ZNF503: variants seen among roughly 807,000 people sequenced by gnomAD.
The protein encoded by ZNF503 is NocA-like zinc finger 2.
A neutral mutation model predicts 34.4 loss-of-function variants in ZNF503; 15 were observed. The ratio of observed to expected loss-of-function variants is 0.44; its 90% CI spans 0.29 to 0.67. ZNF503 has a LOEUF of 0.67. Among genes scored for constraint, ZNF503 ranks in the 30% least tolerant of loss-of-function variants. The pLI is 0.13. For synonymous variants in ZNF503, 580 were observed against 456.8 expected, an observed-to-expected ratio of 1.27 and a Z score of -3.44; for missense variants, 1,007 against 926.8, an observed-to-expected ratio of 1.09 and a Z score of -1.12.
intron 1 of ZNF503, among the ~76,000 whole-genome samples, chr10:75,400,723 G>A (rs1237480703): frequency 2.6e-5 from 4 of 152,228 alleles, no homozygotes; most frequent in African/African-American, 7.2e-5. Flanking sequence ...ATTCTTCAGA[G>A]TAAGGGCTCG....
rs755096965 is a variant in ZNF503, at chr10:75,399,346, G to C, written c.1344C>G (p.Ser448Arg). 6.2e-7 allele frequency: 1 copy of C among 1,604,104 alleles called. No homozygotes were observed. The highest frequency in any genetic ancestry group is 8.5e-7 in the Non-Finnish European group (1 of 1,177,578). The change falls in exon 2 of 2, where the codon AGC becomes AGG. Residue 448 changes from serine to arginine, a missense_variant. Ser to Arg is a moderately radical substitution (Grantham distance 110). Transcript: ENST00000372524. The stretch of plus-strand genomic sequence containing the variant: ...CAGCCGGATCATGTGCGCAAGAAGC[G>C]CTGGCGGCCGCCGCCCCTGCCAGGT... Reference protein sequence around the residue: ...ASHLAGAAAASASCAHDPAAA... With the variant: ...ASHLAGAAAARASCAHDPAAA...
the ZNF503 span, among the ~76,000 whole-genome samples, chr10:75,282,262 G>A: frequency 1.5e-3 from 218 of 147,790 alleles, no homozygotes; most frequent in African/African-American, 4.7e-3. Flanking sequence ...CACAGGCAAG[G>A]GGAAGTCTGC....
the ZNF503 span, among the ~76,000 whole-genome samples, chr10:75,312,938 G>A: frequency 1.3e-5 from 2 of 152,104 alleles, no homozygotes; most frequent in Non-Finnish European, 2.9e-5. Context: ...TAAGTCTCGC[G>A]AAATCTGATG....
At chr10:75,295,810 A>C in the ZNF503 span, 1 of 152,212 alleles carries the variant, frequency 6.6e-6, no homozygotes. This position sits in a 1 kb window ranked among gnomAD's most constrained non-coding sequence, Gnocchi z 4.0. Context: ...TTTTATACTA[A>C]TGTAGAACAT....
the ZNF503 span, among the ~76,000 whole-genome samples, chr10:75,286,472 G>A: frequency 6.6e-6 from 1 of 152,166 alleles, no homozygotes; most frequent in Non-Finnish European, 1.5e-5. Flanking sequence ...GCTTCCTCCT[G>A]CTTTCTTCTC....
chr10:75,398,742 G>A lies in ZNF503; in HGVS notation c.*7C>T, dbSNP rs777654355. 2 of 1,373,308 alleles carry A rather than the reference G, an allele frequency of 1.5e-6. No homozygotes were observed. Among genetic ancestry groups the A allele is most frequent in the Admixed American group, 3.4e-5 (1 of 29,224 alleles). 85.1% of individuals were successfully genotyped at this position (1,373,308 alleles called of 1,614,324 possible). A position where few individuals can be genotyped will look rare whatever the true frequency, so the allele number is the denominator to read the frequency against. On this transcript the variant is annotated 3_prime_UTR_variant, in exon 2 of 2. Transcript: ENST00000372524. ...CTCCTCTCCCTCGCTCGCCCTCCCG[G>A]CCGCCCTCACTGATACCCCAGCGCC...
the ZNF503 span, among the ~76,000 whole-genome samples, chr10:75,357,499 C>G: frequency 6.6e-6 from 1 of 152,104 alleles, no homozygotes; most frequent in African/African-American, 2.4e-5. Flanking sequence ...GCCTGGGCAA[C>G]AGAGCGAGAC....
At chr10:75,384,012 G>C in the ZNF503 span, among the ~76,000 whole-genome samples, 1 of 152,216 alleles carries the variant, frequency 6.6e-6, no homozygotes, top group East Asian at 1.9e-4. Flanking sequence ...GGAGACCTCA[G>C]AGGCTCCAGG....
At chr10:75,355,463 C>T in the ZNF503 span, among the ~76,000 whole-genome samples, 1 of 152,170 alleles carries the variant, frequency 6.6e-6, no homozygotes, top group Non-Finnish European at 1.5e-5. Context: ...AGCCTGTTCT[C>T]TTCCCACGAT....
the ZNF503 span, among the ~76,000 whole-genome samples, chr10:75,366,491 C>G: frequency 4.5e-3 from 683 of 152,336 alleles, 2 homozygotes; most frequent in African/African-American, 0.015. Context: ...CAGCTCTCCT[C>G]CATCAGGCGT....
the ZNF503 span, among the ~76,000 whole-genome samples, chr10:75,369,451 T>G: frequency 6.6e-6 from 1 of 152,094 alleles, no homozygotes; most frequent in Admixed American, 6.6e-5. Context: ...ATAAGGGGCT[T>G]CCCCCTTCAC....
chr10:75,345,634 CAAAAA>C, the ZNF503 span, among the ~76,000 whole-genome samples: 2 of 72,302 alleles, frequency 2.8e-5, no homozygotes, highest in Admixed American at 1.6e-4. Flanking sequence ...GACTCTGTCT[CAAAAA>C]AAAAAAAAAA....
At chr10:75,379,176 TA>T in the ZNF503 span, among the ~76,000 whole-genome samples, 5 of 152,104 alleles carry the variant, frequency 3.3e-5, no homozygotes, top group East Asian at 1.9e-4. Context: ...TGTAAATCAA[TA>T]AAAAAATTAT....
chr10:75,339,864 T>C, the ZNF503 span, among the ~76,000 whole-genome samples: 1 of 152,182 alleles, frequency 6.6e-6, no homozygotes, highest in South Asian at 2.1e-4. Flanking sequence ...TCAGAATGTT[T>C]TTCTGGGCCA....
At chr10:75,375,223 C>T in the ZNF503 span, among the ~76,000 whole-genome samples, 3 of 151,494 alleles carry the variant, frequency 2.0e-5, no homozygotes, top group African/African-American at 2.4e-5. Context: ...CGAGTTCAAG[C>T]GATTCTCCTG....
At chr10:75,324,157 A>T in the ZNF503 span, among the ~76,000 whole-genome samples, 1 of 151,964 alleles carries the variant, frequency 6.6e-6, no homozygotes, top group South Asian at 2.1e-4. Flanking sequence ...GCAAAGCAAA[A>T]TTTTTTAATT....
the ZNF503 span, among the ~76,000 whole-genome samples, chr10:75,282,335 C>T: frequency 6.6e-6 from 1 of 152,142 alleles, no homozygotes; most frequent in African/African-American, 2.4e-5. Context: ...TCCTTTTATC[C>T]CTTTTTTTTA....
the ZNF503 span, among the ~76,000 whole-genome samples, chr10:75,391,719 G>A: frequency 6.6e-6 from 1 of 151,930 alleles, no homozygotes; most frequent in Non-Finnish European, 1.5e-5. Context: ...ATGCACATTT[G>A]TCCTCCTTCT....
At chr10:75,363,151 A>G in the ZNF503 span, among the ~76,000 whole-genome samples, 11 of 152,018 alleles carry the variant, frequency 7.2e-5, no homozygotes, top group African/African-American at 2.2e-4. Flanking sequence ...CCTGCCAGCT[A>G]TGGAAGCCCA....
Sources: gnomAD v4.1 joint callset for allele counts (sites outside exome capture counted in the v4.1 genomes callset) on GRCh38, gnomAD v4.1.1 for gene constraint, Gnocchi (gnomAD v3.1) non-coding constraint, MANE v1.5 for transcripts, NCBI Gene and HGNC (gene_info 2026-07-23, HGNC 2026-07-21) for gene names.